The following ZDHHC3 variants were observed in gnomAD, a reference collection of about 807,000 sequenced individuals.
ZDHHC3 encodes zDHHC palmitoyltransferase 3.
In ZDHHC3, 9 loss-of-function variants were observed where a neutral mutation model predicts 30.6. That is an observed-to-expected ratio of 0.29 (90% CI 0.18 to 0.51). The LOEUF is 0.51. ZDHHC3 is among the 20% of genes least tolerant of loss of function. The pLI is 0.97. For missense variants in ZDHHC3, 246 were observed against 384.2 expected, an observed-to-expected ratio of 0.64 and a Z score of 3.01; for synonymous variants, 136 against 140.2, an observed-to-expected ratio of 0.97 and a Z score of 0.21.
chr3:44,974,763 C>T (rs1330990637), intron 1 of ZDHHC3, among the ~76,000 whole-genome samples: 2 of 152,174 alleles, frequency 1.3e-5, no homozygotes, highest in African/African-American at 4.8e-5. Flanking sequence ...AACTGATCAT[C>T]AATTTTGGAG....
At chr3:44,952,854 C>T (rs1703587344) in intron 2 of ZDHHC3, among the ~76,000 whole-genome samples, 1 of 152,242 alleles carries the variant, frequency 6.6e-6, no homozygotes, top group Admixed American at 6.5e-5. Context: ...CTTTGTGCTA[C>T]CACAGCTTGT....
intron 1 of ZDHHC3, among the ~76,000 whole-genome samples, chr3:44,973,223 T>TA (rs1705548975): frequency 6.6e-6 from 1 of 152,160 alleles, no homozygotes. Context: ...CTTCACCAAA[T>TA]AATCTGGTGA....
Position 44,918,332 on chromosome 3 carries a change from G to T in ZDHHC3, c.*8357C>A, listed in dbSNP as rs1700348585. On this transcript the variant is annotated 3_prime_UTR_variant, in exon 7 of 7. Coordinates refer to ENST00000424952, the MANE Select transcript of ZDHHC3 (RefSeq NM_001135179.2). ...CCCCCGGGAGGTCCCTCAGAGGACTGCTGGGGTGTGGGTGGACAGCAGCGT... is the reference window on the plus strand; with the variant it reads ...CCCCCGGGAGGTCCCTCAGAGGACTTCTGGGGTGTGGGTGGACAGCAGCGT... 1.0e-6 allele frequency: 1 copy of T among 985,236 alleles called. No individual in the cohort carries two copies. Among genetic ancestry groups the T allele is most frequent in the South Asian group, 4.7e-5 (1 of 21,288 alleles). 61.0% of individuals were successfully genotyped at this position (985,236 alleles called of 1,614,324 possible). A position where few individuals can be genotyped will look rare whatever the true frequency, so the allele number is the denominator to read the frequency against.
chr3:44,935,816 A>G (rs1701913639), intron 3 of ZDHHC3, among the ~76,000 whole-genome samples: 1 of 152,198 alleles, frequency 6.6e-6, no homozygotes, highest in Non-Finnish European at 1.5e-5. Flanking sequence ...AGCCATATGC[A>G]GAAGGTTGAT....
rs899229231 is a variant in ZDHHC3, at chr3:44,944,641, T to C, written c.431+527A>G. ...ATCAGAAAAACTTAATAAAGAAACC[T>C]GAAAACAAAACAGAAAACTGACCAC... is the stretch of plus-strand genomic sequence containing the variant. On this transcript the variant is annotated intron_variant, in intron 3 of 6. Transcript: ENST00000424952. Among the ~76,000 whole-genome samples, 11 of 147,856 alleles carry C rather than the reference T, an allele frequency of 7.4e-5. No individual in the cohort carries two copies. In the East Asian group the frequency reaches 1.9e-3, roughly 26 times the overall value.
rs571173870 is a variant in ZDHHC3 at position 44,964,466 on chromosome 3, G to A, written c.-24-5006C>T. Among the ~76,000 whole-genome samples, 4 of 152,300 alleles carry A rather than the reference G, an allele frequency of 2.6e-5. No homozygotes were observed. In the South Asian group the frequency reaches 8.3e-4, roughly 32 times the overall value. Reference sequence around the variant, plus strand: ...CTGTGGACAGATGCAGGCTTTGTAGGAAAGAGAGGAGGTGATTCGAGATGA... The same window carrying A: ...CTGTGGACAGATGCAGGCTTTGTAGAAAAGAGAGGAGGTGATTCGAGATGA... On this transcript the variant is annotated intron_variant, in intron 1 of 6. Coordinates refer to ENST00000424952, the MANE Select transcript of ZDHHC3 (RefSeq NM_001135179.2).
At chr3:44,932,104 C>T (rs186051034) in intron 5 of ZDHHC3, among the ~76,000 whole-genome samples, 1 of 152,262 alleles carries the variant, frequency 6.6e-6, no homozygotes, top group Non-Finnish European at 1.5e-5. Context: ...ATTGGACTCC[C>T]TTGTCAAGTA....
At position 44,924,463 on chromosome 3, in the gene ZDHHC3, C is replaced by CT; in HGVS notation, c.*2225_*2226insA. 1.0e-6 allele frequency: 1 copy of CT among 985,404 alleles called. No homozygotes were observed. The highest frequency in any genetic ancestry group is 1.2e-6 in the Non-Finnish European group (1 of 829,912). The allele number at this position is 985,404 out of a possible 1,614,324, so 61.0% of individuals were successfully genotyped here. Reference sequence around the variant, plus strand: ...TTTCTAGCCAAGGCCTATACAAAACCAGAGGCAGAATCCTATAGGATATCT... The same window carrying CT: ...TTTCTAGCCAAGGCCTATACAAAACCTAGAGGCAGAATCCTATAGGATATCT... On this transcript the variant is annotated 3_prime_UTR_variant, in exon 7 of 7. Transcript: ENST00000424952.
chr3:44,974,887 A>G (rs1039762773), intron 1 of ZDHHC3, among the ~76,000 whole-genome samples: 3 of 151,970 alleles, frequency 2.0e-5, no homozygotes, highest in African/African-American at 4.8e-5. Context: ...TCTAACCACC[A>G]TGATCTGTGG....
At position 44,923,772 on chromosome 3, in the gene ZDHHC3, C is replaced by T. The variant is rs1367641749; in HGVS notation, c.*2917G>A. 1 of 980,246 alleles carries T rather than the reference C, an allele frequency of 1.0e-6. No homozygotes were observed. The allele number at this position is 980,246 out of a possible 1,614,324, so 60.7% of individuals were successfully genotyped here. On this transcript the variant is annotated 3_prime_UTR_variant, in exon 7 of 7. Coordinates refer to ENST00000424952, the MANE Select transcript of ZDHHC3 (RefSeq NM_001135179.2). ...GAGCTCTAATTGTGCCACTGCATTC[C>T]AGCCTGGGTGACAGAGCAAGACCTT... is the stretch of plus-strand genomic sequence containing the variant.
At chr3:44,945,359 G>C in intron 2 of ZDHHC3, 67 bp from the exon 3 acceptor site, 1 of 1,602,874 alleles carries the variant, frequency 6.2e-7, no homozygotes, top group Non-Finnish European at 8.5e-7. Context: ...TTCTACAGTG[G>C]GGATAGTTAT....
intron 6 of ZDHHC3, among the ~76,000 whole-genome samples, chr3:44,928,045 G>C (rs754176109): frequency 6.6e-6 from 1 of 152,208 alleles, no homozygotes; most frequent in South Asian, 2.1e-4. Flanking sequence ...GGCTCCCCCA[G>C]ACCGTGGCCC....
intron 3 of ZDHHC3, among the ~76,000 whole-genome samples, chr3:44,939,242 A>G (rs1702232259): frequency 6.6e-6 from 1 of 152,268 alleles, no homozygotes; most frequent in Non-Finnish European, 1.5e-5. Context: ...CAAGTCCATT[A>G]GCCACTCTGC....
In ZDHHC3 at chr3:44,924,221, A is replaced by T; in HGVS notation, c.*2468T>A. On this transcript the variant is annotated 3_prime_UTR_variant, in exon 7 of 7. Transcript: ENST00000424952. ...GTCCTCTTTCATTACATCCGGAAAT[A>T]CTGAGGAGAGCTCAGGGATGCTTTC... is the stretch of plus-strand genomic sequence containing the variant. 1 of 985,452 alleles carries T rather than the reference A, an allele frequency of 1.0e-6. No individual in the cohort carries two copies. Among genetic ancestry groups the T allele is most frequent in the Non-Finnish European group, 1.2e-6 (1 of 829,932 alleles). 61.0% of individuals were successfully genotyped at this position (985,452 alleles called of 1,614,324 possible).
chr3:44,952,004 A>G (rs1159618482), intron 2 of ZDHHC3, among the ~76,000 whole-genome samples: 1 of 151,894 alleles, frequency 6.6e-6, no homozygotes, highest in Non-Finnish European at 1.5e-5. Flanking sequence ...ACAATCTTCA[A>G]CTCTACTTCC....
Position 44,924,978 on chromosome 3 carries a change from G to C in ZDHHC3, c.*1711C>G. The C allele has an allele frequency of 1.0e-6, 1 of 985,584 alleles. No homozygotes were observed. The highest frequency in any genetic ancestry group is 1.2e-6 in the Non-Finnish European group (1 of 829,942). The allele number at this position is 985,584 out of a possible 1,614,324, so 61.1% of individuals were successfully genotyped here. A position where few individuals can be genotyped will look rare whatever the true frequency, so the allele number is the denominator to read the frequency against. On this transcript the variant is annotated 3_prime_UTR_variant, in exon 7 of 7. Transcript: ENST00000424952. ...ATTGATTCAGGCTGCAGAAAGCAAA[G>C]GAAAGAGGCCTGGTGGGGCAAGCTG...
In ZDHHC3 at chr3:44,926,286, C is replaced by T; in HGVS notation, c.*403G>A. On this transcript the variant is annotated 3_prime_UTR_variant, in exon 7 of 7. Coordinates refer to ENST00000424952, the MANE Select transcript of ZDHHC3 (RefSeq NM_001135179.2). Reference sequence around the variant, plus strand: ...TCCTGGGCAGTGGGAGGTCAGGGCCCTCCTGGCTTTCCCATGCATCCCCCA... The same window carrying T: ...TCCTGGGCAGTGGGAGGTCAGGGCCTTCCTGGCTTTCCCATGCATCCCCCA... The T allele has an allele frequency of 2.0e-6, 2 of 989,280 alleles. No homozygotes were observed. The highest frequency in any genetic ancestry group is 2.4e-6 in the Non-Finnish European group (2 of 832,614). 61.3% of individuals were successfully genotyped at this position (989,280 alleles called of 1,614,324 possible).
In ZDHHC3 at chr3:44,924,705, C is replaced by T; in HGVS notation, c.*1984G>A. Reference sequence around the variant, plus strand: ...TCTTCCCCCTAGGGGAGGGCCAGAGCTGTAGCCCTGCTCTAGTTATTTAAT... The same window carrying T: ...TCTTCCCCCTAGGGGAGGGCCAGAGTTGTAGCCCTGCTCTAGTTATTTAAT... On this transcript the variant is annotated 3_prime_UTR_variant, in exon 7 of 7. Transcript: ENST00000424952. 1.0e-6 allele frequency: 1 copy of T among 985,456 alleles called. No homozygotes were observed. The allele number at this position is 985,456 out of a possible 1,614,324, so 61.0% of individuals were successfully genotyped here. A position where few individuals can be genotyped will look rare whatever the true frequency, so the allele number is the denominator to read the frequency against.
At chr3:44,937,302 G>A (rs1013500338) in intron 3 of ZDHHC3, among the ~76,000 whole-genome samples, 4 of 151,904 alleles carry the variant, frequency 2.6e-5, no homozygotes, top group Non-Finnish European at 5.9e-5. Context: ...AAATTAGCCG[G>A]GTGTGGTAGT....
Sources: allele counts gnomAD v4.1 joint callset (sites outside exome capture counted in the v4.1 genomes callset), GRCh38; gene constraint gnomAD v4.1.1; transcripts MANE v1.5; gene names NCBI Gene and HGNC (gene_info 2026-07-23, HGNC 2026-07-21).